The following ZC3H12B variants were observed in gnomAD, a reference collection of about 807,000 sequenced individuals.
The protein encoded by ZC3H12B is zinc finger CCCH-type containing 12B, also known as probable ribonuclease ZC3H12B.
ZC3H12B carries 7 observed loss-of-function variants against 43.9 expected under a neutral mutation model. The observed-to-expected ratio is 0.16, with a 90% confidence interval of 0.09 to 0.30. ZC3H12B has a LOEUF of 0.30. Among genes scored for constraint, ZC3H12B ranks in the 10% least tolerant of loss-of-function variants. ZC3H12B has a pLI of 1.00. For missense variants in ZC3H12B, 475 were observed against 670.2 expected (o/e 0.71, Z 3.22); for synonymous variants, 222 against 241.7 (o/e 0.92, Z 0.76).
chrX:65,090,971 G>A, the ZC3H12B span, among the ~76,000 whole-genome samples: 1 of 111,112 alleles, frequency 9.0e-6, no homozygotes, highest in Non-Finnish European at 1.9e-5. Flanking sequence ...CATGTGATGT[G>A]GCTTCTCCCA....
At chrX:65,192,214 C>T in the ZC3H12B span, among the ~76,000 whole-genome samples, 5 of 110,299 alleles carry the variant, frequency 4.5e-5, no homozygotes, top group Non-Finnish European at 9.5e-5. Context: ...GAGAGCTTTA[C>T]TTCCAACTAT....
chrX:65,198,081 G>T, the ZC3H12B span, among the ~76,000 whole-genome samples: 1 of 111,901 alleles, frequency 8.9e-6, no homozygotes, highest in African/African-American at 3.2e-5. Context: ...TTCAGGTTAT[G>T]ACATCACTGC....
the ZC3H12B span, among the ~76,000 whole-genome samples, chrX:65,145,199 G>A: frequency 4.6e-5 from 5 of 107,833 alleles, no homozygotes; most frequent in South Asian, 2.1e-3. Flanking sequence ...TTTCCTGTTG[G>A]ACAAGGCCTT....
intron 3 of ZC3H12B, among the ~76,000 whole-genome samples, chrX:65,453,359 C>CATATATATAT (rs1159840122): frequency 7.4e-5 from 2 of 27,175 alleles, no homozygotes; most frequent in Non-Finnish European, 1.3e-4. Context: ...AGCTCAAATG[C>CATATATATAT]ATATATATAT....
the ZC3H12B span, among the ~76,000 whole-genome samples, chrX:65,175,067 G>A: frequency 8.9e-6 from 1 of 112,369 alleles, no homozygotes; most frequent in Non-Finnish European, 1.9e-5. Flanking sequence ...TGCAAAAACT[G>A]TGGGAAAAGC....
chrX:65,491,632 G>T (rs765492205), intron 1 of ZC3H12B, among the ~76,000 whole-genome samples: 4 of 106,987 alleles, frequency 3.7e-5, no homozygotes, highest in African/African-American at 1.4e-4. Flanking sequence ...TCTTGAGCTC[G>T]GGAGGTCAAG....
At chrX:65,179,725 ACT>A in the ZC3H12B span, among the ~76,000 whole-genome samples, 1 of 111,981 alleles carries the variant, frequency 8.9e-6, no homozygotes, top group East Asian at 2.8e-4. Flanking sequence ...ATGCAAATAA[ACT>A]CTATGCGAAT....
chrX:65,090,115 TTGTA>T, the ZC3H12B span, among the ~76,000 whole-genome samples: 1 of 112,508 alleles, frequency 8.9e-6, no homozygotes, highest in South Asian at 3.6e-4. Flanking sequence ...CTATATGTAA[TTGTA>T]TGTGCTATGT....
At chrX:65,187,071 C>A in the ZC3H12B span, 1 of 111,832 alleles carries the variant, frequency 8.9e-6, no homozygotes, top group African/African-American at 3.2e-5. Context: ...CTGGATCAAA[C>A]GGTCAATCTT....
chrX:65,481,198 T>TA (rs2148213188), intron 3 of ZC3H12B, among the ~76,000 whole-genome samples: 1 of 111,571 alleles, frequency 9.0e-6, no homozygotes, highest in African/African-American at 3.3e-5. Flanking sequence ...CCTTTCCTGA[T>TA]AAAACCAGCT....
chrX:65,277,646 T>C, the ZC3H12B span, among the ~76,000 whole-genome samples: 1 of 111,509 alleles, frequency 9.0e-6, no homozygotes. Context: ...TTAACAAATA[T>C]AAAAATTTTT....
At chrX:65,389,339 G>T (rs905828044) in intron 2 of ZC3H12B, among the ~76,000 whole-genome samples, 2 of 112,102 alleles carry the variant, frequency 1.8e-5, no homozygotes, top group African/African-American at 6.5e-5. Context: ...GCAATGGCAG[G>T]CACCCGTCCC....
At chrX:65,176,086 G>C in the ZC3H12B span, among the ~76,000 whole-genome samples, 3 of 112,033 alleles carry the variant, frequency 2.7e-5, no homozygotes, top group East Asian at 8.5e-4. Flanking sequence ...GAGCCAAGTG[G>C]TCTAGCTCAG....
intron 3 of ZC3H12B, among the ~76,000 whole-genome samples, chrX:65,434,795 A>G (rs934617182): frequency 2.7e-5 from 3 of 111,219 alleles, no homozygotes. Flanking sequence ...GTCTGGCTTG[A>G]TAACTGCCTC....
the ZC3H12B span, among the ~76,000 whole-genome samples, chrX:65,313,667 G>C: frequency 1.8e-5 from 2 of 112,035 alleles, no homozygotes; most frequent in Non-Finnish European, 3.8e-5. Context: ...AATATAACCA[G>C]GTTAACTGCC....
chrX:65,240,698 G>T, the ZC3H12B span, among the ~76,000 whole-genome samples: 1 of 112,311 alleles, frequency 8.9e-6, no homozygotes, highest in Admixed American at 9.4e-5. Context: ...TTTCATCCTT[G>T]TAGGCTTATT....
the ZC3H12B span, among the ~76,000 whole-genome samples, chrX:65,161,883 A>C: frequency 9.0e-6 from 1 of 111,665 alleles, no homozygotes; most frequent in East Asian, 2.8e-4. Context: ...AGAATTTGTC[A>C]TGATTTTGCA....
the ZC3H12B span, among the ~76,000 whole-genome samples, chrX:65,247,171 A>G: frequency 2.6e-4 from 29 of 112,541 alleles, no homozygotes; most frequent in African/African-American, 9.3e-4. Flanking sequence ...AGAAATGCAA[A>G]TCAAAACCGC....
the ZC3H12B span, among the ~76,000 whole-genome samples, chrX:65,214,814 GTC>G: frequency 2.7e-5 from 3 of 111,628 alleles, no homozygotes; most frequent in Admixed American, 2.9e-4. Flanking sequence ...AGGAATCACT[GTC>G]TCTGACAGCT....
Sources: gnomAD v4.1 joint callset for allele counts (sites outside exome capture counted in the v4.1 genomes callset) on GRCh38, gnomAD v4.1.1 for gene constraint, MANE v1.5 for transcripts, NCBI Gene and HGNC (gene_info 2026-07-23, HGNC 2026-07-21) for gene names.